Variants in TRAPPC10 observed in about 807,000 individuals in gnomAD.
The protein encoded by TRAPPC10 is TRAPP 130 kDa subunit.
Under a neutral mutation model 125.5 loss-of-function variants are expected in TRAPPC10, and 23 were observed. The ratio of observed to expected loss-of-function variants is 0.18; its 90% confidence interval spans 0.13 to 0.26. The LOEUF is 0.26. Ranked by LOEUF, TRAPPC10 falls within the 10% of genes least tolerant of loss-of-function variation. The probability of loss-of-function intolerance (pLI) is 1.00; values close to 1 mark genes in which losing one functional copy is unlikely to be tolerated. For synonymous variants in TRAPPC10, 509 were observed against 518.0 expected (o/e 0.98, Z 0.24); for missense variants, 1,123 against 1,308.4 (o/e 0.86, Z 2.19).
intron 10 of TRAPPC10, 40 bp from the exon 11 acceptor site, chr21:44,077,653 A>T: frequency 7.0e-7 from 1 of 1,419,994 alleles, no homozygotes; most frequent in Non-Finnish European, 9.9e-7. Flanking sequence ...GTCCATCATT[A>T]AAAGTTCAAG....
chr21:44,089,962 G>A (rs1254246075), intron 18 of TRAPPC10, 29 bp downstream of exon 18: 1 of 1,563,362 alleles, frequency 6.4e-7, no homozygotes, highest in Non-Finnish European at 8.8e-7. Context: ...GCGGGCCCTG[G>A]CTTCTTTCCC....
Position 44,059,714 on chromosome 21 carries a change from T to G in TRAPPC10, c.790+500T>G. The G allele has an allele frequency of 2.0e-6, 1 of 500,142 alleles. No homozygotes were observed. Among genetic ancestry groups the G allele is most frequent in the Non-Finnish European group, 3.6e-6 (1 of 281,066 alleles). The allele number at this position is 500,142 out of a possible 1,614,324, so 31.0% of individuals were successfully genotyped here. On this transcript the variant is annotated intron_variant, in intron 6 of 22. Coordinates refer to ENST00000291574, the MANE Select transcript of TRAPPC10 (RefSeq NM_003274.5). The surrounding 1 kb of genome is among the most constrained non-coding windows in gnomAD (Gnocchi z 4.4). Reference sequence around the variant, plus strand: ...TGAAACCATACACAGAGAGAAACATTGGTTATTGTCCTCAGTGTTTTTCGC... The same window carrying G: ...TGAAACCATACACAGAGAGAAACATGGGTTATTGTCCTCAGTGTTTTTCGC...
At chr21:44,028,959 T>C (rs2033325811) in intron 1 of TRAPPC10, among the ~76,000 whole-genome samples, 1 of 152,224 alleles carries the variant, frequency 6.6e-6, no homozygotes, top group Admixed American at 6.5e-5. Flanking sequence ...AGAGCTCTAG[T>C]GACTTTTCTG....
Position 44,063,754 on chromosome 21 carries a change from A to G in TRAPPC10, c.1007A>G (p.His336Arg). ...EVAQRALELL[H>R]NCVQELKLLE... is the part of the protein sequence containing the mutation. ...GCCCAGCGCGCCCTAGAGCTGCTGCACAACTGCGTGCAGGAACTGAAGCTC... is the reference window on the plus strand; with the variant it reads ...GCCCAGCGCGCCCTAGAGCTGCTGCGCAACTGCGTGCAGGAACTGAAGCTC... The change falls in exon 7 of 23, where the codon CAC becomes CGC. Residue 336 changes from histidine (H) to arginine (R), a missense_variant. His to Arg is a conservative substitution (Grantham distance 29). Around this residue, in one of 4 missense-constraint regions of TRAPPC10, gnomAD observed 840 missense variants for 902.0 expected, o/e 0.93. Coordinates refer to ENST00000291574, the MANE Select transcript of TRAPPC10 (RefSeq NM_003274.5). The surrounding 1 kb of genome is among the most constrained non-coding windows in gnomAD (Gnocchi z 4.4). 6.2e-7 allele frequency: 1 copy of G among 1,614,100 alleles called. No homozygotes were observed. Among genetic ancestry groups the G allele is most frequent in the Non-Finnish European group, 8.5e-7 (1 of 1,179,990 alleles).
At chr21:44,070,897 C>T (rs765170768) in intron 7 of TRAPPC10, among the ~76,000 whole-genome samples, 1 of 152,144 alleles carries the variant, frequency 6.6e-6, no homozygotes, top group Non-Finnish European at 1.5e-5. Context: ...GGGGCGTCTT[C>T]GGACCCTGAG....
intron 17 of TRAPPC10, chr21:44,088,730 G>GT (rs2038322260): frequency 1.2e-5 from 2 of 164,914 alleles, no homozygotes; most frequent in Admixed American, 1.3e-4. Context: ...GCTATGTGCC[G>GT]TGTTATCCCG....
chr21:44,029,138 G>A (rs566207746), intron 1 of TRAPPC10, among the ~76,000 whole-genome samples: 16 of 152,084 alleles, frequency 1.1e-4, no homozygotes, highest in African/African-American at 3.4e-4. Context: ...TCTGTCGCCC[G>A]GGCTGGAGTG....
chr21:44,023,088 A>G (rs2032711028), intron 1 of TRAPPC10, among the ~76,000 whole-genome samples: 1 of 123,542 alleles, frequency 8.1e-6, no homozygotes, highest in Non-Finnish European at 1.5e-5. Context: ...GCTGGAGTGC[A>G]GTGGCTCCAT....
In TRAPPC10 at chr21:44,074,387, A is replaced by C; in HGVS notation, c.1102A>C (p.Arg368=). The change falls in exon 8 of 23, where the codon AGG becomes CGG. Residue 368 remains arginine (R), a synonymous_variant. Transcript: ENST00000291574. ...TCTGAGCTGTCTGGAGGTGTTGCAG[A>C]GGATAGAAGGCTGCTGTGACCGGGC... is the stretch of plus-strand genomic sequence containing the variant. ...VFLSCLEVLQ[R]IEGCCDRAQI... 6.2e-7 allele frequency: 1 copy of C among 1,614,208 alleles called. No homozygotes were observed. The highest frequency in any genetic ancestry group is 8.5e-7 in the Non-Finnish European group (1 of 1,180,034).
In TRAPPC10 at chr21:44,083,202, A is replaced by G; in HGVS notation, c.2138A>G (p.Glu713Gly). 2 of 1,614,188 alleles carry G rather than the reference A, an allele frequency of 1.2e-6. No homozygotes were observed. The highest frequency in any genetic ancestry group is 8.5e-7 in the Non-Finnish European group (1 of 1,180,030). ...LRRQESSSSLEMPSGVALEEG... is the reference protein window; with the variant it reads ...LRRQESSSSLGMPSGVALEEG... Reference sequence around the variant, plus strand: ...AGGCAGGAGAGCAGCTCCTCTCTAGAGATGCCCTCAGGGGTGGCTCTGGAG... The same window carrying G: ...AGGCAGGAGAGCAGCTCCTCTCTAGGGATGCCCTCAGGGGTGGCTCTGGAG... Residue 713 changes from glutamate to glycine, a missense_variant, in exon 14 of 23, where the codon GAG becomes GGG. Glu to Gly is a moderately conservative substitution (Grantham distance 98). Coordinates refer to ENST00000291574, the MANE Select transcript of TRAPPC10 (RefSeq NM_003274.5).
rs1028804319 is a variant in TRAPPC10, at chr21:44,023,025, C to CTTTTTTTTTT, written c.68-9050_68-9041dup. The stretch of plus-strand genomic sequence containing the variant: ...TGGTGATATTCTCATTTCCCTATGT[C>CTTTTTTTTTT]TTTTTTTTTTTTTTTTTTTTTTTTT... On this transcript the variant is annotated intron_variant, in intron 1 of 22. Transcript: ENST00000291574. Among the ~76,000 whole-genome samples the CTTTTTTTTTT allele has an allele frequency of 2.4e-4, 19 of 80,248 alleles. 1 individual carries two copies. Among genetic ancestry groups the CTTTTTTTTTT allele is most frequent in the African/African-American group, 7.4e-4 (13 of 17,478 alleles). The allele number at this position is 80,248 out of a possible 152,430, so 52.6% of individuals were successfully genotyped here.
Position 44,052,278 on chromosome 21 carries a change from A to G in TRAPPC10, c.286-2A>G. The G allele has an allele frequency of 6.4e-7, 1 of 1,569,932 alleles. No individual in the cohort carries two copies. ...CTTTCACAGTGACTTGTTTGTTTTT[A>G]GGATACCGAAGTGTATAAAGCTACA... On this transcript the variant is annotated splice_acceptor_variant, in intron 3 of 22. Transcript: ENST00000291574. LOFTEE classifies it high-confidence loss of function.
rs2038612387 is a variant in TRAPPC10, at chr21:44,091,989, T to C, written c.2937T>C (p.Leu979=). Residue 979 remains leucine, a synonymous_variant, in exon 19 of 23, where the codon CTT becomes CTC. Coordinates refer to ENST00000291574, the MANE Select transcript of TRAPPC10 (RefSeq NM_003274.5). ...ACTTTCAGCTGTCAGATAGTTATCT[T>C]GTAGATACCGGTGATAGTACCGACC... is the stretch of plus-strand genomic sequence containing the variant. ...ELDFQLSDSY[L]VDTGDSTDLQ... is the part of the protein sequence containing the mutation. The C allele has an allele frequency of 6.2e-7, 1 of 1,614,192 alleles. No individual in the cohort carries two copies. Among genetic ancestry groups the C allele is most frequent in the Non-Finnish European group, 8.5e-7 (1 of 1,180,022 alleles).
At chr21:44,086,121 C>G (rs540076434) in intron 15 of TRAPPC10, among the ~76,000 whole-genome samples, 3 of 152,354 alleles carry the variant, frequency 2.0e-5, no homozygotes, top group Admixed American at 2.0e-4. Flanking sequence ...AGCCGAAGCA[C>G]CAGCCAGCAG....
Position 44,012,548 on chromosome 21 carries a change from C to T in TRAPPC10, c.55C>T (p.Pro19Ser). 6 of 1,535,984 alleles carry T rather than the reference C, an allele frequency of 3.9e-6. No homozygotes were observed. The highest frequency in any genetic ancestry group is 5.3e-6 in the Non-Finnish European group (6 of 1,139,600). The change falls in exon 1 of 23, where the codon CCC becomes TCC. Residue 19 changes from proline to serine, a missense_variant. Physicochemically the swap from Pro to Ser is moderately conservative, Grantham distance 74 (BLOSUM62 -1). Around this residue, in one of 4 missense-constraint regions of TRAPPC10, gnomAD observed 177 missense variants for 228.9 expected, o/e 0.77. Transcript: ENST00000291574. ...PPVIYTMENK[P>S]IVTCAGDQNL... ...GGTGATCTACACCATGGAGAACAAGCCCATCGTCACCTGTGAGTGCCCGGA... is the reference window on the plus strand; with the variant it reads ...GGTGATCTACACCATGGAGAACAAGTCCATCGTCACCTGTGAGTGCCCGGA...
chr21:44,082,845 A>G lies in TRAPPC10; in HGVS notation c.1781A>G (p.Asp594Gly). 2 of 1,613,632 alleles carry G rather than the reference A, an allele frequency of 1.2e-6. No homozygotes were observed. The highest frequency in any genetic ancestry group is 1.7e-6 in the Non-Finnish European group (2 of 1,179,908). The change falls in exon 14 of 23, where the codon GAT becomes GGT. Residue 594 changes from aspartate to glycine, a missense_variant. This residue lies in a region of TRAPPC10 where 840 missense variants were observed against 902.0 expected (regional missense o/e 0.93). Transcript: ENST00000291574. The surrounding 1 kb of genome is among the most constrained non-coding windows in gnomAD (Gnocchi z 4.4). ...GCACAACTGCGAGATCTCCATTTTG[A>G]TCCCTCCAATGCCGTGGTCCACGTG... is the stretch of plus-strand genomic sequence containing the variant. ...SFAQLRDLHF[D>G]PSNAVVHVGG...
intron 3 of TRAPPC10, among the ~76,000 whole-genome samples, chr21:44,049,509 G>A (rs1008294313): frequency 6.6e-6 from 1 of 152,164 alleles, no homozygotes; most frequent in Non-Finnish European, 1.5e-5. Flanking sequence ...GGACAGGCTC[G>A]GGACTTAAAT....
At chr21:44,055,580 A>G in intron 4 of TRAPPC10, 118 bp from the exon 5 acceptor site, 14 of 608,336 alleles carry the variant, frequency 2.3e-5, no homozygotes, top group Non-Finnish European at 2.7e-5. Context: ...TCTGTCTCAA[A>G]AAAAAAAAAA....
At chr21:44,065,458 T>A (rs1000782277) in intron 7 of TRAPPC10, among the ~76,000 whole-genome samples, 1 of 152,252 alleles carries the variant, frequency 6.6e-6, no homozygotes, top group Non-Finnish European at 1.5e-5. Context: ...GAGTGGAAGC[T>A]GCCCCATTGC....
Sources: allele counts gnomAD v4.1 joint callset (sites outside exome capture counted in the v4.1 genomes callset), GRCh38; gene constraint gnomAD v4.1.1; regional missense constraint gnomAD v4.1.1; non-coding constraint Gnocchi (gnomAD v3.1); transcripts MANE v1.5; gene names NCBI Gene and HGNC (gene_info 2026-07-23, HGNC 2026-07-21).